The following ALDH7A1 variants were observed in gnomAD, a reference collection of about 807,000 sequenced individuals.
The protein encoded by ALDH7A1 is aldehyde dehydrogenase 7 family member A1.
A neutral mutation model predicts 79.9 loss-of-function variants in ALDH7A1; 63 were observed. The observed-to-expected ratio is 0.79, with a 90% confidence interval of 0.64 to 0.97. The LOEUF is 0.97. Among genes scored for constraint, ALDH7A1 ranks in the 50% least tolerant of loss-of-function variants. ALDH7A1 has a pLI of 0.00. For missense variants in ALDH7A1, 627 were observed against 665.2 expected (o/e 0.94, Z 0.63); for synonymous variants, 240 against 231.2 (o/e 1.04, Z -0.34).
Position 126,577,148 on chromosome 5 carries a change from A to C in ALDH7A1, c.581T>G (p.Phe194Cys), listed in dbSNP as rs1222504523. The change falls in exon 6 of 18, where the codon TTC (phenylalanine) becomes TGC (cysteine). Residue 194 changes from phenylalanine (F) to cysteine (C), a missense_variant. Phe to Cys is a radical substitution (Grantham distance 205). Coordinates refer to ENST00000409134, the MANE Select transcript of ALDH7A1 (RefSeq NM_001182.5). ...ACCATACACTGCCACAGGGAAATTGAATGCCGTGATGATTCCAACCAGGCC... is the reference window on the plus strand; with the variant it reads ...ACCATACACTGCCACAGGGAAATTGCATGCCGTGATGATTCCAACCAGGCC... ...PVGLVGIITA[F>C]NFPVAVYGWN... The C allele has an allele frequency of 6.2e-7, 1 of 1,614,076 alleles. No homozygotes were observed. The highest frequency in any genetic ancestry group is 8.5e-7 in the Non-Finnish European group (1 of 1,180,048).
chr5:126,565,676 T>A (rs1750557935), intron 9 of ALDH7A1, among the ~76,000 whole-genome samples: 2 of 152,226 alleles, frequency 1.3e-5, no homozygotes, highest in Admixed American at 1.3e-4. Flanking sequence ...TAAGAAACCA[T>A]CGCCTAATCC....
intron 1 of ALDH7A1, 121 bp from the exon 2 acceptor site, chr5:126,593,525 A>G: frequency 7.1e-7 from 1 of 1,401,268 alleles, no homozygotes. Context: ...AAACTCAAAA[A>G]GCTTAGGTTA....
At chr5:126,547,718 T>C (rs2112748396) in intron 16 of ALDH7A1, among the ~76,000 whole-genome samples, 1 of 152,316 alleles carries the variant, frequency 6.6e-6, no homozygotes, top group South Asian at 2.1e-4. Flanking sequence ...TTAGAAAAAC[T>C]GACATCAATT....
Position 126,565,665 on chromosome 5 carries a change from C to T in ALDH7A1, c.871+2594G>A, listed in dbSNP as rs189213280. Among the ~76,000 whole-genome samples, 1,350 of 152,260 alleles carry T rather than the reference C, an allele frequency of 8.9e-3. 10 individuals are homozygous for T. The highest frequency in any genetic ancestry group is 0.015 in the Non-Finnish European group (1,012 of 68,012). On this transcript the variant is annotated intron_variant, in intron 9 of 17. Transcript: ENST00000409134. ...GTTGCTTGTGCTTTAGTTGTCATTT[C>T]TAAGAAACCATCGCCTAATCCAAGG...
At chr5:126,554,782 G>A (rs1421826370) in intron 12 of ALDH7A1, 1 of 324,938 alleles carries the variant, frequency 3.1e-6, no homozygotes, top group Non-Finnish European at 6.0e-6. Context: ...ACTCATTACA[G>A]TGTGACCATT....
intron 11 of ALDH7A1, among the ~76,000 whole-genome samples, chr5:126,558,483 T>G (rs973724654): frequency 6.6e-6 from 1 of 152,182 alleles, no homozygotes. Context: ...TCAAGTCAAA[T>G]CTAATTCTAG....
At chr5:126,581,990 A>T in intron 5 of ALDH7A1, 2 of 388,758 alleles carry the variant, frequency 5.1e-6, no homozygotes, top group Non-Finnish European at 9.1e-6. Context: ...AAAAAAAAAA[A>T]TGTATAGTTT....
At chr5:126,579,067 T>C (rs1408811714) in intron 5 of ALDH7A1, among the ~76,000 whole-genome samples, 1 of 152,198 alleles carries the variant, frequency 6.6e-6, no homozygotes, top group East Asian at 1.9e-4. Flanking sequence ...GTCACCCCCT[T>C]GCTTATAACC....
intron 11 of ALDH7A1, among the ~76,000 whole-genome samples, chr5:126,556,900 T>C (rs1750214742): frequency 6.6e-6 from 1 of 152,224 alleles, no homozygotes; most frequent in African/African-American, 2.4e-5. Context: ...AAGCAGTCCA[T>C]AGTAATGGAA....
At chr5:126,594,481 G>A in intron 1 of ALDH7A1, 1 of 213,026 alleles carries the variant, frequency 4.7e-6, no homozygotes, top group South Asian at 3.5e-5. Context: ...TTTCGCTCTT[G>A]TTGCTCAGGC....
intron 3 of ALDH7A1, 77 bp from the exon 4 acceptor site, chr5:126,584,089 G>A: frequency 1.7e-6 from 2 of 1,202,452 alleles, no homozygotes; most frequent in Non-Finnish European, 1.2e-6. Flanking sequence ...GATGTGTGCT[G>A]TAAAAGAACA....
chr5:126,563,837 G>A (rs1292217610), intron 9 of ALDH7A1, among the ~76,000 whole-genome samples: 1 of 151,904 alleles, frequency 6.6e-6, no homozygotes, highest in African/African-American at 2.4e-5. Flanking sequence ...CACCCAGGCT[G>A]GAATATAGTG....
Position 126,582,898 on chromosome 5 carries a change from G to T in ALDH7A1, c.470C>A (p.Ala157Asp). 1 of 1,613,402 alleles carries T rather than the reference G, an allele frequency of 6.2e-7. No homozygotes were observed. ...VQEYVDICDY[A>D]VGLSRMIGGP... ...TCCAATCATCCTTGATAAACCAACA[G>T]CATAGTCACAGATATCCACATACTC... Residue 157 changes from alanine to aspartate, a missense_variant, in exon 5 of 18, where the codon GCT becomes GAT. By Grantham distance (126) the Ala-to-Asp change is moderately radical. Transcript: ENST00000409134.
intron 3 of ALDH7A1, among the ~76,000 whole-genome samples, chr5:126,591,531 C>T (rs570495341): frequency 6.0e-4 from 91 of 152,088 alleles, no homozygotes; most frequent in African/African-American, 2.1e-3. Context: ...GTCCCACACC[C>T]AACAGCACAG....
intron 5 of ALDH7A1, among the ~76,000 whole-genome samples, chr5:126,580,558 TACTC>T (rs1751138181): frequency 6.6e-6 from 1 of 152,194 alleles, no homozygotes. Context: ...GTAGGGAATT[TACTC>T]AATATTCCAA....
At position 126,541,998 on chromosome 5, in the gene ALDH7A1, A is replaced by G. The variant is rs1310767295; in HGVS notation, c.*2967T>C. 2.6e-5 allele frequency: 4 copies of G among 151,744 alleles called. No homozygotes were observed. Among genetic ancestry groups the G allele is most frequent in the Admixed American group, 2.6e-4 (4 of 15,224 alleles). The allele number at this position is 151,744 out of a possible 1,614,324, so 9.4% of individuals were successfully genotyped here. On this transcript the variant is annotated 3_prime_UTR_variant, in exon 18 of 18. Coordinates refer to ENST00000409134, the MANE Select transcript of ALDH7A1 (RefSeq NM_001182.5). ...AAAAAAGAGCAAACTCTAACTGCCT[A>G]CAACATTTTAAATCTAGAATCCTAT...
At chr5:126,571,643 T>A (rs976111752) in intron 7 of ALDH7A1, among the ~76,000 whole-genome samples, 1 of 152,062 alleles carries the variant, frequency 6.6e-6, no homozygotes, top group Non-Finnish European at 1.5e-5. Context: ...GCCTTTTATT[T>A]ATTTATTTAT....
At chr5:126,562,748 T>A (rs1750446466) in intron 9 of ALDH7A1, among the ~76,000 whole-genome samples, 1 of 152,088 alleles carries the variant, frequency 6.6e-6, no homozygotes, top group Non-Finnish European at 1.5e-5. Context: ...CTCAGGAGGC[T>A]GAGGCAGGAG....
intron 5 of ALDH7A1, among the ~76,000 whole-genome samples, chr5:126,578,157 C>T (rs542942791): frequency 5.0e-4 from 76 of 151,664 alleles, no homozygotes; most frequent in Non-Finnish European, 8.5e-4. Flanking sequence ...GGCGTGGTGG[C>T]GGGTGCCTGT....
Sources: gnomAD v4.1 joint callset for allele counts (sites outside exome capture counted in the v4.1 genomes callset) on GRCh38, gnomAD v4.1.1 for gene constraint, MANE v1.5 for transcripts, NCBI Gene and HGNC (gene_info 2026-07-23, HGNC 2026-07-21) for gene names.